Variants in ZMAT4 observed in about 807,000 individuals in gnomAD.
ZMAT4 encodes zinc finger matrin-type 4.
Under a neutral mutation model 28.7 loss-of-function variants are expected in ZMAT4, and 17 were observed. The observed-to-expected ratio is 0.59, with a 90% confidence interval of 0.41 to 0.89. The LOEUF (loss-of-function observed/expected upper bound fraction) is 0.89. ZMAT4 is among the 40% of genes least tolerant of loss of function. ZMAT4 has a pLI of 0.00. For missense variants in ZMAT4, 240 were observed against 283.8 expected, an observed-to-expected ratio of 0.85 and a Z score of 1.11; for synonymous variants, 117 against 109.2, an observed-to-expected ratio of 1.07 and a Z score of -0.44.
chr8:40,803,751 C>T (rs1225677778), intron 2 of ZMAT4, among the ~76,000 whole-genome samples: 1 of 152,178 alleles, frequency 6.6e-6, no homozygotes, highest in Non-Finnish European at 1.5e-5. Flanking sequence ...GAGTGAAAAA[C>T]TTGTGCCCAC....
At chr8:40,616,517 A>C (rs1429579442) in intron 5 of ZMAT4, among the ~76,000 whole-genome samples, 5 of 152,222 alleles carry the variant, frequency 3.3e-5, no homozygotes, top group Non-Finnish European at 1.5e-5. Flanking sequence ...CTGGATTAAG[A>C]AAATGTGGCA....
At chr8:40,727,612 T>C (rs756040388) in intron 3 of ZMAT4, among the ~76,000 whole-genome samples, 35 of 152,238 alleles carry the variant, frequency 2.3e-4, no homozygotes, top group Non-Finnish European at 4.4e-4. Context: ...GAATGTCTAC[T>C]ACAGAGTGGC....
At position 40,625,067 on chromosome 8, in the gene ZMAT4, G is replaced by T. The variant is rs79072472; in HGVS notation, c.578-43806C>A. 6.7e-3 allele frequency among the ~76,000 whole-genome samples: 1,016 copies of T among 152,314 alleles called. 11 individuals carry two copies. The highest frequency in any genetic ancestry group is 0.023 in the African/African-American group (966 of 41,580). On this transcript the variant is annotated intron_variant, in intron 5 of 6. Coordinates refer to ENST00000297737, the MANE Select transcript of ZMAT4 (RefSeq NM_024645.3). ...TCTCTGAAAAAGCGACATTTGAGTT[G>T]CAACCTGAACAATGAGCGGGTGGTA...
chr8:40,599,403 ATGTG>A (rs754866050), intron 5 of ZMAT4, among the ~76,000 whole-genome samples: 3 of 151,734 alleles, frequency 2.0e-5, no homozygotes, highest in African/African-American at 7.3e-5. Context: ...GTGTATATAT[ATGTG>A]TGTGTGTGTG....
chr8:40,671,889 T>C (rs1440889003), intron 5 of ZMAT4, among the ~76,000 whole-genome samples: 1 of 152,134 alleles, frequency 6.6e-6, no homozygotes, highest in Non-Finnish European at 1.5e-5. Context: ...GAAATGAAAA[T>C]GATTGCCATG....
At chr8:40,554,954 C>T (rs1803483650) in intron 6 of ZMAT4, among the ~76,000 whole-genome samples, 1 of 151,946 alleles carries the variant, frequency 6.6e-6, no homozygotes. Flanking sequence ...CTCTTAATTC[C>T]ACCTCCTCAC....
intron 1 of ZMAT4, among the ~76,000 whole-genome samples, chr8:40,891,795 CA>C (rs1818700863): frequency 6.6e-6 from 1 of 152,208 alleles, no homozygotes; most frequent in Non-Finnish European, 1.5e-5. Flanking sequence ...CGCCTCCCCA[CA>C]CTCACTGCCG....
chr8:40,620,354 T>C (rs1343260423), intron 5 of ZMAT4, among the ~76,000 whole-genome samples: 1 of 152,198 alleles, frequency 6.6e-6, no homozygotes, highest in Non-Finnish European at 1.5e-5. Context: ...CTTCCATCCT[T>C]CCCCAAAGCG....
At chr8:40,557,184 T>C (rs950208790) in intron 6 of ZMAT4, among the ~76,000 whole-genome samples, 1 of 152,168 alleles carries the variant, frequency 6.6e-6, no homozygotes, top group Non-Finnish European at 1.5e-5. Flanking sequence ...ATACCTGCAC[T>C]CTCATGTTTA....
chr8:40,656,491 A>G (rs1356720518), intron 5 of ZMAT4, among the ~76,000 whole-genome samples: 1 of 152,182 alleles, frequency 6.6e-6, no homozygotes, highest in Admixed American at 6.5e-5. Context: ...AAACTTTTCC[A>G]TGAATGTACC....
intron 4 of ZMAT4, among the ~76,000 whole-genome samples, chr8:40,675,383 A>T (rs990993027): frequency 4.0e-4 from 60 of 151,848 alleles, no homozygotes; most frequent in African/African-American, 1.4e-3. Context: ...GTAGTAAAAT[A>T]CAGGGGACAA....
intron 4 of ZMAT4, among the ~76,000 whole-genome samples, chr8:40,695,506 TCCCTTCTTG>T (rs1451378512): frequency 6.6e-6 from 1 of 152,242 alleles, no homozygotes; most frequent in Non-Finnish European, 1.5e-5. Flanking sequence ...CCCTATTCGT[TCCCTTCTTG>T]CCTATCCAGC....
chr8:40,756,377 AATGCACAC>A (rs1342733755), intron 3 of ZMAT4, among the ~76,000 whole-genome samples: 3 of 138,146 alleles, frequency 2.2e-5, no homozygotes, highest in Non-Finnish European at 4.6e-5. Flanking sequence ...CAAAATTATA[AATGCACAC>A]ATGTTTTCAC....
At chr8:40,562,224 C>G (rs1234760227) in intron 6 of ZMAT4, among the ~76,000 whole-genome samples, 1 of 152,170 alleles carries the variant, frequency 6.6e-6, no homozygotes. Flanking sequence ...AGCACTGTGT[C>G]TAAAACTTAA....
intron 5 of ZMAT4, among the ~76,000 whole-genome samples, chr8:40,601,473 G>GAAAGAAAGAAAGAAAGAAA (rs763988461): frequency 0.13 from 9,938 of 75,924 alleles, 1,855 homozygotes; most frequent in Non-Finnish European, 0.2. Context: ...AGAAAGGAAA[G>GAAAGAAAGAAAGAAAGAAA]AAAGAAAGAA....
intron 5 of ZMAT4, among the ~76,000 whole-genome samples, chr8:40,650,446 C>T (rs1807584729): frequency 8.8e-6 from 1 of 114,180 alleles, no homozygotes; most frequent in Non-Finnish European, 2.0e-5. Context: ...AGCTTACCAA[C>T]CAAAAAGAGT....
chr8:40,840,900 A>T, intron 1 of ZMAT4, among the ~76,000 whole-genome samples: 1 of 152,114 alleles, frequency 6.6e-6, no homozygotes. Flanking sequence ...TTTCAATAAC[A>T]CTTCCTACCC....
chr8:40,763,862 GC>G (rs1464384084), intron 3 of ZMAT4, among the ~76,000 whole-genome samples: 4 of 152,056 alleles, frequency 2.6e-5, no homozygotes, highest in Non-Finnish European at 5.9e-5. Flanking sequence ...CTAACCAAAT[GC>G]CAAGCTTCTC....
chr8:40,540,694 T>C (rs1055649046), intron 6 of ZMAT4, among the ~76,000 whole-genome samples: 7 of 152,240 alleles, frequency 4.6e-5, no homozygotes, highest in Non-Finnish European at 1.0e-4. Flanking sequence ...AGCTTGCAGC[T>C]GACATCTGAA....
Sources: allele counts gnomAD v4.1 joint callset (sites outside exome capture counted in the v4.1 genomes callset), GRCh38; gene constraint gnomAD v4.1.1; transcripts MANE v1.5; gene names NCBI Gene and HGNC (gene_info 2026-07-23, HGNC 2026-07-21).